The following KIRREL3 variants were observed in gnomAD, a reference collection of about 807,000 sequenced individuals.
The protein encoded by KIRREL3 is kin of IRRE-like protein 3.
KIRREL3 carries 36 observed loss-of-function variants against 89.7 expected under a neutral mutation model. That is an observed-to-expected ratio of 0.40 (90% CI 0.31 to 0.53). The LOEUF (loss-of-function observed/expected upper bound fraction) is 0.53, where lower values mean the gene tolerates loss of function less well. Among genes scored for constraint, KIRREL3 ranks in the 20% least tolerant of loss-of-function variants. The pLI, the probability that KIRREL3 is intolerant of heterozygous loss-of-function variation, is 0.49. For missense variants in KIRREL3, 864 were observed against 1,056.6 expected, an observed-to-expected ratio of 0.82 and a Z score of 2.53; for synonymous variants, 445 against 441.4, an observed-to-expected ratio of 1.01 and a Z score of -0.10.
In KIRREL3 at chr11:126,954,982, T is replaced by C. The variant is rs1948881005; in HGVS notation, c.55+45473A>G. ...TGACCAGTGGTTCATACAGATGTGT[T>C]ACACGTGCCCTAGCTCAGCTGAGGC... On this transcript the variant is annotated intron_variant, in intron 1 of 16. Coordinates refer to ENST00000525144, the MANE Select transcript of KIRREL3 (RefSeq NM_032531.4). The surrounding 1 kb of genome is among the most constrained non-coding windows in gnomAD (Gnocchi z 4.1). Among the ~76,000 whole-genome samples the C allele has an allele frequency of 6.6e-6, 1 of 152,176 alleles. No homozygotes were observed. Among genetic ancestry groups the C allele is most frequent in the South Asian group, 2.1e-4 (1 of 4,830 alleles).
Position 126,823,869 on chromosome 11 carries a change from C to T in KIRREL3, c.55+176586G>A, listed in dbSNP as rs191396883. On this transcript the variant is annotated intron_variant, in intron 1 of 16. Transcript: ENST00000525144. ...GGTGGGTCTGAAGGAGCAGACGAGG[C>T]ACCCTGGTGCTAAGCACACTCCGGG... Among the ~76,000 whole-genome samples, 550 of 152,330 alleles carry T rather than the reference C, an allele frequency of 3.6e-3. 3 individuals are homozygous for T. The highest frequency in any genetic ancestry group is 0.013 in the African/African-American group (524 of 41,568).
chr11:126,549,648 G>C (rs1435364585), intron 2 of KIRREL3: 1 of 152,316 alleles, frequency 6.6e-6, no homozygotes, highest in Admixed American at 6.5e-5. Flanking sequence ...AAGCCTTTGA[G>C]GCTGGCTGGG....
In KIRREL3 at chr11:126,744,194, G is replaced by A. The variant is rs1274738373; in HGVS notation, c.56-181282C>T. ...AATGGCTGAAGGGCCTTGGGTGCCAGTCAAGGGACAAAATGGACATTGGTT... is the reference window on the plus strand; with the variant it reads ...AATGGCTGAAGGGCCTTGGGTGCCAATCAAGGGACAAAATGGACATTGGTT... On this transcript the variant is annotated intron_variant, in intron 1 of 16. Coordinates refer to ENST00000525144, the MANE Select transcript of KIRREL3 (RefSeq NM_032531.4). This position sits in a 1 kb window ranked among gnomAD's most constrained non-coding sequence, Gnocchi z 4.7. Among the ~76,000 whole-genome samples the A allele has an allele frequency of 6.6e-6, 1 of 152,124 alleles. No individual in the cohort carries two copies. Among genetic ancestry groups the A allele is most frequent in the African/African-American group, 2.4e-5 (1 of 41,434 alleles).
At position 126,747,993 on chromosome 11, in the gene KIRREL3, G is replaced by A. The variant is rs1421572806; in HGVS notation, c.56-185081C>T. Among the ~76,000 whole-genome samples, 1 of 152,176 alleles carries A rather than the reference G, an allele frequency of 6.6e-6. No individual in the cohort carries two copies. The highest frequency in any genetic ancestry group is 1.5e-5 in the Non-Finnish European group (1 of 68,040). On this transcript the variant is annotated intron_variant, in intron 1 of 16. Coordinates refer to ENST00000525144, the MANE Select transcript of KIRREL3 (RefSeq NM_032531.4). This position sits in a 1 kb window ranked among gnomAD's most constrained non-coding sequence, Gnocchi z 4.7. The stretch of plus-strand genomic sequence containing the variant: ...CTTTCTCAGTCTCCATCTGACCCGT[G>A]CCTAGCATCGTGGCCCCTGTAAAGG...
intron 7 of KIRREL3, among the ~76,000 whole-genome samples, chr11:126,451,476 G>A (rs1277324381): frequency 1.3e-5 from 2 of 149,498 alleles, no homozygotes; most frequent in Non-Finnish European, 3.0e-5. Context: ...GCATGTGCAT[G>A]TGTGTGTGCG....
intron 1 of KIRREL3, among the ~76,000 whole-genome samples, chr11:126,926,747 C>A (rs948116): frequency 0.019 from 2,876 of 152,270 alleles, 102 homozygotes; most frequent in East Asian, 0.13. Flanking sequence ...AGCATGGAAA[C>A]CTCTGACGTT....
At chr11:126,581,851 C>T (rs557934236) in intron 1 of KIRREL3, among the ~76,000 whole-genome samples, 49 of 152,138 alleles carry the variant, frequency 3.2e-4, no homozygotes, top group African/African-American at 7.7e-4. Flanking sequence ...TGACGTGGCA[C>T]GGAAGGGAAT....
intron 2 of KIRREL3, among the ~76,000 whole-genome samples, chr11:126,552,581 T>TTTTTTTTTG (rs1939368571): frequency 7.5e-6 from 1 of 133,908 alleles, no homozygotes; most frequent in African/African-American, 2.9e-5. Flanking sequence ...TTTTTTTTTT[T>TTTTTTTTTG]GAGACAGAGT....
At position 126,579,959 on chromosome 11, in the gene KIRREL3, C is replaced by T. The variant is rs542064539; in HGVS notation, c.56-17047G>A. Among the ~76,000 whole-genome samples the T allele has an allele frequency of 6.6e-6, 1 of 152,168 alleles. No homozygotes were observed. Among genetic ancestry groups the T allele is most frequent in the South Asian group, 2.1e-4 (1 of 4,822 alleles). On this transcript the variant is annotated intron_variant, in intron 1 of 16. Transcript: ENST00000525144. This position sits in a 1 kb window ranked among gnomAD's most constrained non-coding sequence, Gnocchi z 5.3. ...CTCCTGGATTCACGCCATTCTCCTG[C>T]CTCAGCCTCCCGAGTAGCTGGGACT...
rs1945799642 is a variant in KIRREL3, at chr11:126,668,745, CTTTCTTTCTTTT to C, written c.56-105845_56-105834del. 1.5e-5 allele frequency among the ~76,000 whole-genome samples: 2 copies of C among 130,212 alleles called. No homozygotes were observed. The highest frequency in any genetic ancestry group is 5.6e-5 in the African/African-American group (2 of 35,950). The allele number at this position is 130,212 out of a possible 152,430, so 85.4% of individuals were successfully genotyped here. On this transcript the variant is annotated intron_variant, in intron 1 of 16. Coordinates refer to ENST00000525144, the MANE Select transcript of KIRREL3 (RefSeq NM_032531.4). The surrounding 1 kb of genome is among the most constrained non-coding windows in gnomAD (Gnocchi z 4.4). ...TCTTTCTTTCTTTCTTTCTTTCTTT[CTTTCTTTCTTTT>C]TTCTCTTTCTTTCTTTCAAAAAAGT...
chr11:126,942,018 G>A (rs2135115782), intron 1 of KIRREL3, among the ~76,000 whole-genome samples: 1 of 152,286 alleles, frequency 6.6e-6, no homozygotes, highest in East Asian at 1.9e-4. Context: ...GCCTTTACCA[G>A]CTCTGTCATT....
Position 126,666,885 on chromosome 11 carries a change from C to T in KIRREL3, c.56-103973G>A, listed in dbSNP as rs982542720. Among the ~76,000 whole-genome samples, 16 of 152,250 alleles carry T rather than the reference C, an allele frequency of 1.1e-4. No individual in the cohort carries two copies. In the South Asian group the frequency reaches 2.7e-3, roughly 26 times the overall value. ...GATGGATACAGGTTTGATGAAAGGTCCCTGGGGAATGAGAGGGCTTAGCCA... is the reference window on the plus strand; with the variant it reads ...GATGGATACAGGTTTGATGAAAGGTTCCTGGGGAATGAGAGGGCTTAGCCA... On this transcript the variant is annotated intron_variant, in intron 1 of 16. Transcript: ENST00000525144. This position sits in a 1 kb window ranked among gnomAD's most constrained non-coding sequence, Gnocchi z 4.2.
chr11:126,798,592 G>A (rs371043495), intron 1 of KIRREL3, among the ~76,000 whole-genome samples: 11 of 152,190 alleles, frequency 7.2e-5, no homozygotes, highest in African/African-American at 2.7e-4. Flanking sequence ...GAGCTCAGTG[G>A]GGAGTGTGGG....
At chr11:126,662,812 A>G (rs1456967580) in intron 1 of KIRREL3, among the ~76,000 whole-genome samples, 1 of 144,798 alleles carries the variant, frequency 6.9e-6, no homozygotes, top group Admixed American at 6.8e-5. Context: ...GAGGCAGAAA[A>G]AGAAGAAGAG....
rs577560251 is a variant in KIRREL3, at chr11:126,623,607, C to A, written c.56-60695G>T. ...AGCAGGATGGTAAAAGGGATAACAGCTGATGGGCCAGCAAGGATGCGGGGA... is the reference window on the plus strand; with the variant it reads ...AGCAGGATGGTAAAAGGGATAACAGATGATGGGCCAGCAAGGATGCGGGGA... On this transcript the variant is annotated intron_variant, in intron 1 of 16. Coordinates refer to ENST00000525144, the MANE Select transcript of KIRREL3 (RefSeq NM_032531.4). This position sits in a 1 kb window ranked among gnomAD's most constrained non-coding sequence, Gnocchi z 4.1. Among the ~76,000 whole-genome samples, 4 of 152,156 alleles carry A rather than the reference C, an allele frequency of 2.6e-5. No individual in the cohort carries two copies. Among genetic ancestry groups the A allele is most frequent in the Admixed American group, 2.6e-4 (4 of 15,292 alleles).
chr11:126,499,947 A>G (rs1474014152), intron 4 of KIRREL3, among the ~76,000 whole-genome samples: 2 of 152,122 alleles, frequency 1.3e-5, no homozygotes, highest in East Asian at 1.9e-4. Flanking sequence ...GCATTTTGCT[A>G]TTTCTGCATC....
In KIRREL3 at chr11:126,627,840, C is replaced by T. The variant is rs935531953; in HGVS notation, c.56-64928G>A. On this transcript the variant is annotated intron_variant, in intron 1 of 16. Transcript: ENST00000525144. This position sits in a 1 kb window ranked among gnomAD's most constrained non-coding sequence, Gnocchi z 5.0. ...AGGGCTTGGATCTGAGCACCATGAG[C>T]CTCTCTCTCTCCCATGTGTAGTGAG... 2.6e-5 allele frequency among the ~76,000 whole-genome samples: 4 copies of T among 151,994 alleles called. No homozygotes were observed. Among genetic ancestry groups the T allele is most frequent in the Non-Finnish European group, 2.9e-5 (2 of 67,974 alleles).
At position 126,435,281 on chromosome 11, in the gene KIRREL3, G is replaced by A. The variant is rs778771356; in HGVS notation, c.1575C>T (p.Ala525=). Residue 525 remains alanine, a synonymous_variant, in exon 13 of 17, where the codon GCC becomes GCT. Coordinates refer to ENST00000525144, the MANE Select transcript of KIRREL3 (RefSeq NM_032531.4). ...CTCCTTCCGTACCTGCTTCCAGCCC[G>A]GCTCCCGACTTCATTTCCGAACCTG... ...KEQGSEMKSG[A]GLEAESVPMA... The A allele has an allele frequency of 1.1e-5, 18 of 1,613,612 alleles. No individual in the cohort carries two copies. The African/African-American group carries it at 1.6e-4, about 14-fold the overall frequency.
rs938627472 is a variant in KIRREL3, at chr11:126,970,134, G to A, written c.55+30321C>T. ...CTCTACCACTGCCCCTGCCCCCTCA[G>A]GGATATATCATGCATTTGAAAAATT... On this transcript the variant is annotated intron_variant, in intron 1 of 16. Coordinates refer to ENST00000525144, the MANE Select transcript of KIRREL3 (RefSeq NM_032531.4). The surrounding 1 kb of genome is among the most constrained non-coding windows in gnomAD (Gnocchi z 4.4). 1.3e-5 allele frequency among the ~76,000 whole-genome samples: 2 copies of A among 152,170 alleles called. No homozygotes were observed. The highest frequency in any genetic ancestry group is 4.8e-5 in the African/African-American group (2 of 41,442).
Sources: gnomAD v4.1 joint callset for allele counts (sites outside exome capture counted in the v4.1 genomes callset) on GRCh38, gnomAD v4.1.1 for gene constraint, Gnocchi (gnomAD v3.1) non-coding constraint, MANE v1.5 for transcripts, NCBI Gene and HGNC (gene_info 2026-07-23, HGNC 2026-07-21) for gene names.